RPS6KC1: variants seen among roughly 807,000 people sequenced by gnomAD.
The protein encoded by RPS6KC1 is inactive ribosomal protein S6 kinase delta-1.
RPS6KC1 carries 54 observed loss-of-function variants against 103.8 expected under a neutral mutation model. The ratio of observed to expected loss-of-function variants is 0.52; its 90% CI spans 0.42 to 0.65. The LOEUF is 0.65. Among genes scored for constraint, RPS6KC1 ranks in the 30% least tolerant of loss-of-function variants. The probability of loss-of-function intolerance (pLI) is 0.00; values close to 1 mark genes in which losing one functional copy is unlikely to be tolerated. For synonymous variants in RPS6KC1, 439 were observed against 438.7 expected (o/e 1.00, Z -0.01); for missense variants, 1,151 against 1,253.8 (o/e 0.92, Z 1.24).
At chr1:213,076,872 CT>C (rs397944007) in intron 2 of RPS6KC1, among the ~76,000 whole-genome samples, 536 of 143,464 alleles carry the variant, frequency 3.7e-3, no homozygotes, top group Non-Finnish European at 4.0e-3. Context: ...TCAGTTTATC[CT>C]TTTTTTTTTT....
intron 8 of RPS6KC1, among the ~76,000 whole-genome samples, chr1:213,218,851 A>C (rs1339728380): frequency 1.3e-5 from 2 of 152,178 alleles, no homozygotes; most frequent in African/African-American, 4.8e-5. Flanking sequence ...CCTTCCTTAC[A>C]CCTTATAAAA....
At chr1:213,247,342 G>A (rs1019087818) in intron 12 of RPS6KC1, among the ~76,000 whole-genome samples, 5 of 152,136 alleles carry the variant, frequency 3.3e-5, no homozygotes, top group African/African-American at 1.2e-4. Flanking sequence ...CAGTTTTAGA[G>A]CATGACATTT....
At chr1:213,152,303 A>G (rs1478024219) in intron 6 of RPS6KC1, among the ~76,000 whole-genome samples, 1 of 132,658 alleles carries the variant, frequency 7.5e-6, no homozygotes, top group African/African-American at 2.9e-5. Context: ...TCCCTCCCGG[A>G]TGGGGCGGCT....
intron 8 of RPS6KC1, among the ~76,000 whole-genome samples, chr1:213,199,855 G>T (rs1055542322): frequency 7.9e-5 from 12 of 152,084 alleles, no homozygotes; most frequent in African/African-American, 2.9e-4. Context: ...GTCAAGCCAC[G>T]AGCCAAATCC....
At chr1:213,650,183 G>GT in the RPS6KC1 span, among the ~76,000 whole-genome samples, 1 of 152,224 alleles carries the variant, frequency 6.6e-6, no homozygotes, top group Non-Finnish European at 1.5e-5. Flanking sequence ...TCCATTAATT[G>GT]TCACCCTTTA....
At chr1:213,332,807 G>T in the RPS6KC1 span, among the ~76,000 whole-genome samples, 1 of 152,132 alleles carries the variant, frequency 6.6e-6, no homozygotes. Flanking sequence ...CCTACTGCAG[G>T]ACAGATCCAG....
At chr1:213,739,049 C>T in the RPS6KC1 span, among the ~76,000 whole-genome samples, 39 of 151,594 alleles carry the variant, frequency 2.6e-4, no homozygotes, top group African/African-American at 9.2e-4. Context: ...GACTGTTGAA[C>T]AACACGGGTT....
intron 6 of RPS6KC1, among the ~76,000 whole-genome samples, chr1:213,150,136 C>T (rs1366110018): frequency 6.6e-6 from 1 of 152,040 alleles, no homozygotes; most frequent in Non-Finnish European, 1.5e-5. Context: ...AGTCCATTTG[C>T]ATTCAATGTT....
At chr1:213,728,993 C>T in the RPS6KC1 span, among the ~76,000 whole-genome samples, 1 of 122,222 alleles carries the variant, frequency 8.2e-6, no homozygotes, top group East Asian at 2.6e-4. Flanking sequence ...AGACACAGGG[C>T]AGGGTAAGCA....
chr1:213,721,032 A>G, the RPS6KC1 span, among the ~76,000 whole-genome samples: 1,240 of 152,334 alleles, frequency 8.1e-3, 19 homozygotes, highest in African/African-American at 0.028. Context: ...CATAACGGTA[A>G]TAATGTTTTA....
chr1:213,417,050 G>A, the RPS6KC1 span, among the ~76,000 whole-genome samples: 1 of 152,162 alleles, frequency 6.6e-6, no homozygotes, highest in Non-Finnish European at 1.5e-5. Context: ...GCCGGGAACA[G>A]ATATGTGATG....
chr1:213,551,670 T>C, the RPS6KC1 span, among the ~76,000 whole-genome samples: 3 of 152,190 alleles, frequency 2.0e-5, no homozygotes, highest in African/African-American at 7.2e-5. Context: ...ACCTAAGTGG[T>C]ACGTTTCTTA....
At chr1:213,656,535 C>G in the RPS6KC1 span, among the ~76,000 whole-genome samples, 1 of 152,188 alleles carries the variant, frequency 6.6e-6, no homozygotes, top group South Asian at 2.1e-4. Context: ...TCCAATCCCT[C>G]ATTTTTACCG....
chr1:213,441,057 A>G, the RPS6KC1 span, among the ~76,000 whole-genome samples: 2 of 152,226 alleles, frequency 1.3e-5, no homozygotes, highest in East Asian at 3.8e-4. Flanking sequence ...GCCATTGAGC[A>G]TACACAGCTC....
chr1:213,736,846 A>G, the RPS6KC1 span, among the ~76,000 whole-genome samples: 9 of 152,254 alleles, frequency 5.9e-5, no homozygotes, highest in African/African-American at 1.9e-4. Flanking sequence ...CCCTAAACAG[A>G]TAACATACCT....
At chr1:213,380,356 A>G in the RPS6KC1 span, among the ~76,000 whole-genome samples, 1 of 152,220 alleles carries the variant, frequency 6.6e-6, no homozygotes, top group African/African-American at 2.4e-5. Flanking sequence ...GGAGAGGATC[A>G]GGAAAAATAA....
chr1:213,478,591 T>C, the RPS6KC1 span, among the ~76,000 whole-genome samples: 3 of 152,160 alleles, frequency 2.0e-5, no homozygotes, highest in Non-Finnish European at 2.9e-5. Context: ...GTTGTTTTAA[T>C]TTCTAATTTC....
At chr1:213,154,374 G>A (rs2089623749) in intron 6 of RPS6KC1, among the ~76,000 whole-genome samples, 1 of 152,228 alleles carries the variant, frequency 6.6e-6, no homozygotes, top group African/African-American at 2.4e-5. Context: ...CGTGGATATA[G>A]AAGTGCTGTC....
the RPS6KC1 span, among the ~76,000 whole-genome samples, chr1:213,567,393 C>A: frequency 2.0e-5 from 3 of 152,196 alleles, no homozygotes; most frequent in African/African-American, 7.2e-5. Context: ...ACTCCCGACT[C>A]CATGTGGACA....
Sources: gnomAD v4.1 joint callset for allele counts (sites outside exome capture counted in the v4.1 genomes callset) on GRCh38, gnomAD v4.1.1 for gene constraint, MANE v1.5 for transcripts, NCBI Gene and HGNC (gene_info 2026-07-23, HGNC 2026-07-21) for gene names.